Variants in ASIC2 observed in about 807,000 individuals in gnomAD.
ASIC2 encodes the protein acid-sensing ion channel 2.
Under a neutral mutation model 57.3 loss-of-function variants are expected in ASIC2, and 25 were observed. The ratio of observed to expected loss-of-function variants is 0.44; its 90% CI spans 0.32 to 0.61. The LOEUF (loss-of-function observed/expected upper bound fraction) is 0.61, where lower values mean the gene tolerates loss of function less well. ASIC2 is among the 20% of genes least tolerant of loss of function. The pLI is 0.06. For synonymous variants in ASIC2, 319 were observed against 307.5 expected (o/e 1.04, Z -0.39); for missense variants, 641 against 738.1 (o/e 0.87, Z 1.52).
chr17:33,668,809 G>A (rs1428216686), intron 1 of ASIC2, among the ~76,000 whole-genome samples: 1 of 152,222 alleles, frequency 6.6e-6, no homozygotes, highest in Admixed American at 6.5e-5. Flanking sequence ...TATACAGTAA[G>A]TGTTCATCGT....
At chr17:33,385,344 C>T (rs985677679) in intron 1 of ASIC2, among the ~76,000 whole-genome samples, 1 of 152,120 alleles carries the variant, frequency 6.6e-6, no homozygotes. Context: ...TTTTCAGCAC[C>T]CTGCTTTCTC....
At chr17:33,224,085 C>A (rs559936553) in intron 1 of ASIC2, among the ~76,000 whole-genome samples, 2 of 152,306 alleles carry the variant, frequency 1.3e-5, no homozygotes, top group South Asian at 4.1e-4. Context: ...GAGGCTTGGA[C>A]ACGTTGTCTC....
At chr17:34,045,445 C>T (rs1371658278) in intron 1 of ASIC2, among the ~76,000 whole-genome samples, 1 of 152,204 alleles carries the variant, frequency 6.6e-6, no homozygotes, top group East Asian at 1.9e-4. Context: ...CCTGCTGAGA[C>T]TATACCAGGA....
rs569171074 is a variant in ASIC2, at chr17:33,549,206, C to T, written c.556-437139G>A. 5.3e-5 allele frequency among the ~76,000 whole-genome samples: 8 copies of T among 152,268 alleles called. No homozygotes were observed. The East Asian group carries it at 1.5e-3, about 29-fold the overall frequency. Reference sequence around the variant, plus strand: ...AAAAATGGCAGTGGAGCAAGAAGACCTCTGAAGGTCCTTTTAGCGCGAACA... The same window carrying T: ...AAAAATGGCAGTGGAGCAAGAAGACTTCTGAAGGTCCTTTTAGCGCGAACA... On this transcript the variant is annotated intron_variant, in intron 1 of 9. Coordinates refer to the ASIC2 transcript ENST00000359872.
At chr17:33,896,949 A>G (rs1442746783) in intron 1 of ASIC2, among the ~76,000 whole-genome samples, 1 of 152,234 alleles carries the variant, frequency 6.6e-6, no homozygotes, top group East Asian at 1.9e-4. Context: ...TCCTGGCCGA[A>G]AAATGAACCA....
intron 1 of ASIC2, among the ~76,000 whole-genome samples, chr17:33,806,353 T>C (rs1912268086): frequency 6.6e-6 from 1 of 152,262 alleles, no homozygotes; most frequent in Non-Finnish European, 1.5e-5. Flanking sequence ...CCACAAAATA[T>C]CATTCTTCTT....
chr17:33,039,041 C>T lies in ASIC2; in HGVS notation c.988-10649G>A, dbSNP rs8078207. Among the ~76,000 whole-genome samples, 1,395 of 152,296 alleles carry T rather than the reference C, an allele frequency of 9.2e-3. 25 individuals carry two copies. Among genetic ancestry groups the T allele is most frequent in the African/African-American group, 0.031 (1,300 of 41,552 alleles). ...AGTGGATGCTGAGAAGATGATGAAA[C>T]TGCCTAAGAGTATGTGGTTTCTGCT... On this transcript the variant is annotated intron_variant, in intron 3 of 9. Coordinates refer to ENST00000225823, the MANE Select transcript of ASIC2 (RefSeq NM_183377.2).
chr17:33,731,574 A>C (rs193161535), intron 1 of ASIC2, among the ~76,000 whole-genome samples: 1 of 152,200 alleles, frequency 6.6e-6, no homozygotes, highest in Non-Finnish European at 1.5e-5. Context: ...TAGGAATTTA[A>C]TATACAGAGA....
At chr17:34,109,564 C>T (rs2053601582) in intron 1 of ASIC2, among the ~76,000 whole-genome samples, 2 of 152,110 alleles carry the variant, frequency 1.3e-5, no homozygotes, top group African/African-American at 2.4e-5. Flanking sequence ...TTTCATCAAG[C>T]GTAAATGAGA....
chr17:33,258,757 C>T (rs1909173420), intron 1 of ASIC2, among the ~76,000 whole-genome samples: 2 of 152,190 alleles, frequency 1.3e-5, no homozygotes, highest in South Asian at 2.1e-4. Context: ...AACTAAAGCT[C>T]AGTGAAGTTA....
chr17:34,139,955 G>T (rs2142135353), intron 1 of ASIC2, among the ~76,000 whole-genome samples: 1 of 152,334 alleles, frequency 6.6e-6, no homozygotes, highest in East Asian at 1.9e-4. Flanking sequence ...GTGTGATGTG[G>T]ATTGGGGGGG....
intron 1 of ASIC2, chr17:33,955,551 GTA>G (rs1904708134): frequency 6.6e-6 from 1 of 152,186 alleles, no homozygotes; most frequent in Non-Finnish European, 1.5e-5. Flanking sequence ...GCTGAACTCA[GTA>G]TGTTTTTTTC....
At chr17:33,949,749 A>C (rs1904499223) in intron 1 of ASIC2, among the ~76,000 whole-genome samples, 1 of 152,236 alleles carries the variant, frequency 6.6e-6, no homozygotes, top group South Asian at 2.1e-4. Flanking sequence ...GTTTGGTACC[A>C]ATCTTATCAA....
intron 1 of ASIC2, among the ~76,000 whole-genome samples, chr17:33,161,681 T>C (rs567291784): frequency 2.0e-5 from 3 of 152,306 alleles, no homozygotes; most frequent in South Asian, 4.1e-4. Flanking sequence ...GCCTGGCACA[T>C]AGTATGTGTT....
chr17:33,022,429 G>C (rs959804907), intron 6 of ASIC2, among the ~76,000 whole-genome samples: 6 of 152,188 alleles, frequency 3.9e-5, no homozygotes, highest in African/African-American at 1.4e-4. Flanking sequence ...CTATTGGGGA[G>C]CAGTGGGCAA....
At chr17:33,587,480 T>G (rs1006723158) in intron 1 of ASIC2, among the ~76,000 whole-genome samples, 1 of 152,150 alleles carries the variant, frequency 6.6e-6, no homozygotes, top group Non-Finnish European at 1.5e-5. Context: ...ACATCAGAGT[T>G]GTAAGGAAAA....
intron 1 of ASIC2, among the ~76,000 whole-genome samples, chr17:33,835,339 C>T (rs1353061258): frequency 2.6e-5 from 4 of 152,316 alleles, no homozygotes; most frequent in South Asian, 4.1e-4. Context: ...TTGCTCATTC[C>T]AGCCGTCAGT....
chr17:33,221,860 C>T (rs145528), intron 1 of ASIC2, among the ~76,000 whole-genome samples: 108,676 of 151,992 alleles, frequency 0.72, 39,066 homozygotes, highest in Middle Eastern at 0.8. Flanking sequence ...CCTGCTAGCC[C>T]GATAGATGTT....
chr17:33,314,170 C>T (rs1906547817), intron 1 of ASIC2, among the ~76,000 whole-genome samples: 3 of 152,168 alleles, frequency 2.0e-5, no homozygotes, highest in Admixed American at 2.0e-4. Context: ...CATGGGACAA[C>T]TCAGACCCTC....
Sources: gnomAD v4.1 joint callset for allele counts (sites outside exome capture counted in the v4.1 genomes callset) on GRCh38, gnomAD v4.1.1 for gene constraint, MANE v1.5 for transcripts, NCBI Gene and HGNC (gene_info 2026-07-23, HGNC 2026-07-21) for gene names.